SLC5A4: variants seen among roughly 807,000 people sequenced by gnomAD.
SLC5A4 encodes solute carrier family 5 member 4, also known as probable glucose sensor protein SLC5A4.
Under a neutral mutation model 70.3 loss-of-function variants are expected in SLC5A4, and 55 were observed. The observed-to-expected ratio is 0.78, with a 90% CI of 0.63 to 0.98. The LOEUF is 0.98. SLC5A4 is among the 50% of genes least tolerant of loss of function. SLC5A4 has a pLI of 0.00. For missense variants in SLC5A4, 735 were observed against 839.2 expected, an observed-to-expected ratio of 0.88 and a Z score of 1.53; for synonymous variants, 268 against 305.7, an observed-to-expected ratio of 0.88 and a Z score of 1.29.
the SLC5A4 span, among the ~76,000 whole-genome samples, chr22:32,325,439 TCA>T: frequency 6.6e-6 from 1 of 152,112 alleles, no homozygotes; most frequent in African/African-American, 2.4e-5. Context: ...GGACGACAGG[TCA>T]CTCTGGGCAG....
At chr22:32,350,890 T>C in the SLC5A4 span, among the ~76,000 whole-genome samples, 1 of 150,476 alleles carries the variant, frequency 6.6e-6, no homozygotes, top group Non-Finnish European at 1.5e-5. Context: ...AATGCATAAA[T>C]TTCTAGAGAA....
the SLC5A4 span, among the ~76,000 whole-genome samples, chr22:32,340,019 GGA>G: frequency 6.6e-6 from 1 of 152,240 alleles, no homozygotes; most frequent in Non-Finnish European, 1.5e-5. Context: ...GCTCTCACAG[GGA>G]GAGAAGTAAA....
chr22:32,321,438 C>T, the SLC5A4 span, among the ~76,000 whole-genome samples: 24 of 151,188 alleles, frequency 1.6e-4, no homozygotes, highest in Admixed American at 4.8e-4. Context: ...GATGGCAGAG[C>T]GAGACTCTGT....
intron 1 of SLC5A4, among the ~76,000 whole-genome samples, chr22:32,254,565 A>G (rs558884353): frequency 1.8e-4 from 28 of 152,172 alleles, no homozygotes; most frequent in South Asian, 4.1e-4. Flanking sequence ...AGCACTTTGG[A>G]GGGCCGAGGC....
the SLC5A4 span, chr22:32,272,400 G>A: frequency 7.7e-6 from 7 of 906,998 alleles, no homozygotes; most frequent in South Asian, 1.4e-5. Flanking sequence ...GCGAGCTGAC[G>A]GGCATGGCCT....
At chr22:32,282,345 C>G in the SLC5A4 span, among the ~76,000 whole-genome samples, 1 of 152,126 alleles carries the variant, frequency 6.6e-6, no homozygotes, top group African/African-American at 2.4e-5. Context: ...CTGAGTCTGA[C>G]TCTGCTGGCT....
At chr22:32,348,399 C>G in the SLC5A4 span, among the ~76,000 whole-genome samples, 3 of 152,188 alleles carry the variant, frequency 2.0e-5, no homozygotes, top group Admixed American at 6.5e-5. Context: ...CAGGCCTGGC[C>G]TTCTGTGCTG....
chr22:32,293,334 G>A, the SLC5A4 span, among the ~76,000 whole-genome samples: 1 of 151,370 alleles, frequency 6.6e-6, no homozygotes. Context: ...TGGTTTTTTT[G>A]GTCCCACCTG....
the SLC5A4 span, among the ~76,000 whole-genome samples, chr22:32,310,723 C>G: frequency 2.6e-5 from 4 of 152,388 alleles, no homozygotes; most frequent in Non-Finnish European, 4.4e-5. Context: ...GGGCAAGCCA[C>G]TTGACCCGGC....
At chr22:32,277,543 G>A in the SLC5A4 span, among the ~76,000 whole-genome samples, 13 of 152,126 alleles carry the variant, frequency 8.5e-5, no homozygotes, top group African/African-American at 2.9e-4. Flanking sequence ...CCGGTTTTAT[G>A]TATTTACTTA....
intron 7 of SLC5A4, 48 bp downstream of exon 7, chr22:32,237,196 T>G: frequency 7.6e-7 from 1 of 1,323,030 alleles, no homozygotes; most frequent in Non-Finnish European, 1.1e-6. Context: ...CAGAAACAAG[T>G]CCCGTGATTT....
At chr22:32,219,310 C>G (rs528909959) in intron 14 of SLC5A4, among the ~76,000 whole-genome samples, 3 of 152,260 alleles carry the variant, frequency 2.0e-5, no homozygotes, top group African/African-American at 7.2e-5. Flanking sequence ...TTTGACCCAA[C>G]AACGGAACTC....
chr22:32,327,878 C>T, the SLC5A4 span, among the ~76,000 whole-genome samples: 12 of 152,182 alleles, frequency 7.9e-5, no homozygotes, highest in South Asian at 2.1e-4. Flanking sequence ...TGCTCTCTGC[C>T]GGGATGGGGC....
chr22:32,251,707 A>G, intron 3 of SLC5A4, 63 bp downstream of exon 3: 1 of 982,282 alleles, frequency 1.0e-6, no homozygotes. Flanking sequence ...ATAGCAGCAT[A>G]AAACATACTA....
chr22:32,324,502 A>C, the SLC5A4 span, among the ~76,000 whole-genome samples: 1 of 152,100 alleles, frequency 6.6e-6, no homozygotes, highest in Non-Finnish European at 1.5e-5. Flanking sequence ...TGTGTTCTTC[A>C]CATTACTGGG....
chr22:32,341,549 G>A, the SLC5A4 span, among the ~76,000 whole-genome samples: 2 of 152,190 alleles, frequency 1.3e-5, no homozygotes. Flanking sequence ...CCAGTGGACC[G>A]TGAATCCTGG....
chr22:32,266,444 A>C, the SLC5A4 span, among the ~76,000 whole-genome samples: 1 of 152,256 alleles, frequency 6.6e-6, no homozygotes, highest in Non-Finnish European at 1.5e-5. Flanking sequence ...TATGTCTGCA[A>C]TAGTCATGCA....
chr22:32,311,997 CTTTTT>C, the SLC5A4 span, among the ~76,000 whole-genome samples: 1 of 151,968 alleles, frequency 6.6e-6, no homozygotes, highest in Non-Finnish European at 1.5e-5. Context: ...CCACTGTGAG[CTTTTT>C]CTGCAGCTTT....
At chr22:32,350,868 A>G in the SLC5A4 span, among the ~76,000 whole-genome samples, 1 of 152,118 alleles carries the variant, frequency 6.6e-6, no homozygotes, top group African/African-American at 2.4e-5. Flanking sequence ...GTTTCCTTAA[A>G]GCAGTCAATA....
Sources: gnomAD v4.1 joint callset for allele counts (sites outside exome capture counted in the v4.1 genomes callset) on GRCh38, gnomAD v4.1.1 for gene constraint, MANE v1.5 for transcripts, NCBI Gene and HGNC (gene_info 2026-07-23, HGNC 2026-07-21) for gene names.